MATCAP2: variants seen among roughly 807,000 people sequenced by gnomAD.
MATCAP2 encodes putative tyrosine carboxypeptidase MATCAP2.
At chr7:36,363,223 A>G in the MATCAP2 span, among the ~76,000 whole-genome samples, 1 of 152,220 alleles carries the variant, frequency 6.6e-6, no homozygotes, top group Admixed American at 6.5e-5. Context: ...TTCAACCTGT[A>G]TGGCCTAACG....
At chr7:36,369,105 T>C in the MATCAP2 span, among the ~76,000 whole-genome samples, 1 of 152,224 alleles carries the variant, frequency 6.6e-6, no homozygotes, top group Non-Finnish European at 1.5e-5. Context: ...CAGTGATTTT[T>C]GTTTGTTCAC....
chr7:36,327,065 T>C, the MATCAP2 span: 1 of 652,932 alleles, frequency 1.5e-6, no homozygotes, highest in African/African-American at 1.8e-5. Context: ...ATCAGTGACT[T>C]ACATTTTCTT....
At chr7:36,385,362 A>T in the MATCAP2 span, among the ~76,000 whole-genome samples, 4 of 152,246 alleles carry the variant, frequency 2.6e-5, no homozygotes, top group Admixed American at 2.6e-4. Context: ...CAATGAGGCA[A>T]AATAATCCAA....
chr7:36,336,386 T>C, the MATCAP2 span: 9 of 983,706 alleles, frequency 9.1e-6, no homozygotes, highest in Non-Finnish European at 1.1e-5. Flanking sequence ...TGTGACCTAT[T>C]CTAGGTTTAT....
the MATCAP2 span, among the ~76,000 whole-genome samples, chr7:36,332,927 CA>C: frequency 8.1e-5 from 12 of 147,464 alleles, no homozygotes; most frequent in South Asian, 2.1e-4. Flanking sequence ...TACTCTATCT[CA>C]AAAAAAAAAG....
At chr7:36,368,974 T>C in the MATCAP2 span, among the ~76,000 whole-genome samples, 1 of 152,232 alleles carries the variant, frequency 6.6e-6, no homozygotes, top group Admixed American at 6.5e-5. Context: ...ATATTTCCTA[T>C]AGCCCTTCTC....
At chr7:36,336,101 T>C in the MATCAP2 span, 1 of 1,266,294 alleles carries the variant, frequency 7.9e-7, no homozygotes, top group East Asian at 2.8e-5. Flanking sequence ...TAAAATAAAA[T>C]AAACTATGAC....
At chr7:36,341,985 T>C in the MATCAP2 span, among the ~76,000 whole-genome samples, 2 of 152,190 alleles carry the variant, frequency 1.3e-5, no homozygotes, top group African/African-American at 2.4e-5. Context: ...TCCTGGAAAA[T>C]GGTCTAGAAT....
chr7:36,325,920 T>C, the MATCAP2 span: 1 of 151,770 alleles, frequency 6.6e-6, no homozygotes, highest in African/African-American at 2.4e-5. Flanking sequence ...TTTAACCAGG[T>C]CAGTCTATTT....
the MATCAP2 span, among the ~76,000 whole-genome samples, chr7:36,351,576 T>G: frequency 2.6e-5 from 4 of 152,244 alleles, no homozygotes; most frequent in South Asian, 8.3e-4. Context: ...CTATTTTAAA[T>G]ATATCTGAGG....
At chr7:36,373,250 A>T in the MATCAP2 span, among the ~76,000 whole-genome samples, 1 of 152,166 alleles carries the variant, frequency 6.6e-6, no homozygotes, top group African/African-American at 2.4e-5. Context: ...ACAACAACCA[A>T]GTTAACAAAT....
At chr7:36,334,409 C>G in the MATCAP2 span, among the ~76,000 whole-genome samples, 1 of 151,728 alleles carries the variant, frequency 6.6e-6, no homozygotes, top group Admixed American at 6.6e-5. Flanking sequence ...GTGGTGTGCA[C>G]CTGGGGTCCC....
chr7:36,347,769 T>C, the MATCAP2 span, among the ~76,000 whole-genome samples: 9 of 152,172 alleles, frequency 5.9e-5, no homozygotes, highest in Non-Finnish European at 1.3e-4. Flanking sequence ...GTTATGTTTT[T>C]CCTGCCTTAC....
At chr7:36,355,856 G>T in the MATCAP2 span, 1 of 152,130 alleles carries the variant, frequency 6.6e-6, no homozygotes, top group Non-Finnish European at 1.5e-5. Context: ...TCAAAACTAT[G>T]CCCTGCAGAT....
chr7:36,356,200 T>C, the MATCAP2 span: 12,426 of 152,272 alleles, frequency 0.082, 671 homozygotes, highest in East Asian at 0.15. Context: ...AGGGATTGCA[T>C]GCTCCATCTA....
the MATCAP2 span, chr7:36,366,886 C>G: frequency 1.2e-5 from 17 of 1,473,562 alleles, no homozygotes; most frequent in African/African-American, 1.3e-4. Flanking sequence ...CCCCGCACCC[C>G]CGCCGCGGCC....
chr7:36,336,885 A>T, the MATCAP2 span, among the ~76,000 whole-genome samples: 1 of 151,834 alleles, frequency 6.6e-6, no homozygotes, highest in Non-Finnish European at 1.5e-5. Context: ...ACTTGAGGCC[A>T]GGAGCTCAAG....
At chr7:36,365,395 C>T in the MATCAP2 span, among the ~76,000 whole-genome samples, 1 of 152,142 alleles carries the variant, frequency 6.6e-6, no homozygotes, top group Non-Finnish European at 1.5e-5. Flanking sequence ...GAAGAACTAT[C>T]TTGTCCAAAG....
At chr7:36,366,880 G>A in the MATCAP2 span, 1 of 1,473,726 alleles carries the variant, frequency 6.8e-7, no homozygotes, top group Non-Finnish European at 8.9e-7. Flanking sequence ...GGTCCGCCCC[G>A]CACCCCCGCC....
Sources: gnomAD v4.1 joint callset for allele counts (sites outside exome capture counted in the v4.1 genomes callset) on GRCh38, gnomAD v4.1.1 for gene constraint, MANE v1.5 for transcripts, NCBI Gene and HGNC (gene_info 2026-07-23, HGNC 2026-07-21) for gene names.